KCNIP4: variants seen among roughly 807,000 people sequenced by gnomAD.
KCNIP4 encodes the protein Kv channel-interacting protein 4.
KCNIP4 carries 12 observed loss-of-function variants against 34.0 expected under a neutral mutation model. The ratio of observed to expected loss-of-function variants is 0.35; its 90% CI spans 0.23 to 0.57. The LOEUF is 0.57. Ranked by LOEUF, KCNIP4 falls within the 20% of genes least tolerant of loss-of-function variation. KCNIP4 has a pLI of 0.83. For missense variants in KCNIP4, 238 were observed against 311.7 expected, an observed-to-expected ratio of 0.76 and a Z score of 1.78; for synonymous variants, 124 against 102.2, an observed-to-expected ratio of 1.21 and a Z score of -1.29.
intron 1 of KCNIP4, among the ~76,000 whole-genome samples, chr4:21,517,537 G>A (rs191239885): frequency 9.9e-5 from 15 of 152,150 alleles, no homozygotes; most frequent in African/African-American, 3.4e-4. Context: ...AAACCGTCTT[G>A]TGTTTATGCT....
chr4:20,963,436 AC>A (rs1330386457), intron 1 of KCNIP4, among the ~76,000 whole-genome samples: 1 of 152,002 alleles, frequency 6.6e-6, no homozygotes, highest in African/African-American at 2.4e-5. Flanking sequence ...TTATATGAAC[AC>A]TTTTTTTTTA....
intron 1 of KCNIP4, among the ~76,000 whole-genome samples, chr4:21,667,936 T>C (rs146501875): frequency 5.5e-4 from 84 of 152,336 alleles, no homozygotes; most frequent in African/African-American, 2.0e-3. Flanking sequence ...CTTGGTTAAC[T>C]TGATAGATAG....
intron 1 of KCNIP4, among the ~76,000 whole-genome samples, chr4:21,152,924 T>C (rs1289068037): frequency 6.6e-6 from 1 of 152,062 alleles, no homozygotes; most frequent in African/African-American, 2.4e-5. Context: ...TGTGGAAAAA[T>C]TGTCTTTTCC....
intron 1 of KCNIP4, among the ~76,000 whole-genome samples, chr4:21,388,649 C>A (rs1328764313): frequency 1.3e-5 from 2 of 152,074 alleles, no homozygotes; most frequent in Non-Finnish European, 2.9e-5. Context: ...TCCTTCTATC[C>A]TTTTAGCTAT....
intron 1 of KCNIP4, among the ~76,000 whole-genome samples, chr4:21,021,534 T>C (rs1037348604): frequency 4.6e-5 from 7 of 152,138 alleles, no homozygotes; most frequent in Non-Finnish European, 7.3e-5. Context: ...TCTTTCTTTA[T>C]ATTCTTATTC....
At chr4:21,213,449 A>G (rs1040592310) in intron 1 of KCNIP4, among the ~76,000 whole-genome samples, 77 of 152,026 alleles carry the variant, frequency 5.1e-4, no homozygotes, top group African/African-American at 1.8e-3. Flanking sequence ...TTACAGACGC[A>G]CACCACCATG....
chr4:20,842,728 G>T (rs1719903967), intron 3 of KCNIP4, among the ~76,000 whole-genome samples: 1 of 152,072 alleles, frequency 6.6e-6, no homozygotes, highest in Non-Finnish European at 1.5e-5. Context: ...CAAGGAGTCT[G>T]GGTCATTGCA....
intron 1 of KCNIP4, among the ~76,000 whole-genome samples, chr4:20,943,370 A>G (rs747942134): frequency 6.6e-6 from 1 of 152,198 alleles, no homozygotes; most frequent in Non-Finnish European, 1.5e-5. Context: ...AAGGTTGAGC[A>G]TCTATTAATA....
chr4:20,778,767 G>T (rs1475963215), intron 3 of KCNIP4, among the ~76,000 whole-genome samples: 2 of 152,302 alleles, frequency 1.3e-5, no homozygotes, highest in Non-Finnish European at 1.5e-5. Flanking sequence ...AGAAATAAAT[G>T]CAGATGAGGG....
At chr4:21,344,543 G>GA (rs1240367102) in intron 1 of KCNIP4, among the ~76,000 whole-genome samples, 1 of 151,826 alleles carries the variant, frequency 6.6e-6, no homozygotes, top group African/African-American at 2.4e-5. Context: ...CCAATCCAAA[G>GA]AAAAAAATGG....
At chr4:21,179,289 G>T (rs1162405112) in intron 1 of KCNIP4, among the ~76,000 whole-genome samples, 2 of 152,036 alleles carry the variant, frequency 1.3e-5, no homozygotes, top group African/African-American at 4.8e-5. Context: ...TGCACTTTCT[G>T]CTCACTCTGG....
At chr4:21,689,510 G>A (rs1447625725) in intron 1 of KCNIP4, among the ~76,000 whole-genome samples, 1 of 152,116 alleles carries the variant, frequency 6.6e-6, no homozygotes, top group Non-Finnish European at 1.5e-5. Flanking sequence ...TCTATGCTGT[G>A]CTGTTGCCTC....
rs1418217853 is a variant in KCNIP4 at position 20,729,429 on chromosome 4, A to G, written c.*653T>C. ...TATTATGGAAAATTAAATGCTTATT[A>G]AAATAAGTTTTATTAGGCATATGCT... On this transcript the variant is annotated 3_prime_UTR_variant, in exon 9 of 9. Transcript: ENST00000382152. The G allele has an allele frequency of 1.3e-5, 2 of 151,814 alleles. No individual in the cohort carries two copies. The highest frequency in any genetic ancestry group is 4.8e-5 in the African/African-American group (2 of 41,350). 9.4% of individuals were successfully genotyped at this position (151,814 alleles called of 1,614,324 possible). A position where few individuals can be genotyped will look rare whatever the true frequency, so the allele number is the denominator to read the frequency against.
chr4:20,780,807 A>C (rs748044082), intron 3 of KCNIP4, among the ~76,000 whole-genome samples: 13 of 152,232 alleles, frequency 8.5e-5, no homozygotes, highest in Non-Finnish European at 1.9e-4. Context: ...GCCATGCCTG[A>C]TGCTGTAAGT....
chr4:21,658,784 T>C (rs1411963987), intron 1 of KCNIP4, among the ~76,000 whole-genome samples: 7 of 152,168 alleles, frequency 4.6e-5, no homozygotes, highest in Non-Finnish European at 4.4e-5. Context: ...CATGACATCA[T>C]TGAGGATCAC....
chr4:21,550,640 A>G (rs1738506376), intron 1 of KCNIP4, among the ~76,000 whole-genome samples: 1 of 152,054 alleles, frequency 6.6e-6, no homozygotes, highest in Admixed American at 6.6e-5. Context: ...ACCCATAGAT[A>G]CAATCCAAGA....
At chr4:20,859,163 C>A (rs919610409) in intron 2 of KCNIP4, among the ~76,000 whole-genome samples, 2 of 152,100 alleles carry the variant, frequency 1.3e-5, no homozygotes, top group South Asian at 4.1e-4. Context: ...ATAAGAAACA[C>A]ATGGTAGAAT....
intron 1 of KCNIP4, among the ~76,000 whole-genome samples, chr4:21,306,388 A>G (rs1459912495): frequency 6.6e-6 from 1 of 152,074 alleles, no homozygotes; most frequent in Non-Finnish European, 1.5e-5. Flanking sequence ...CTTTTTTTTG[A>G]GAGAGAGAGA....
At chr4:21,379,817 T>C (rs1262160236) in intron 1 of KCNIP4, among the ~76,000 whole-genome samples, 1 of 152,180 alleles carries the variant, frequency 6.6e-6, no homozygotes, top group African/African-American at 2.4e-5. Flanking sequence ...TGTAAGTGCT[T>C]TCATTTTTGC....
Sources: gnomAD v4.1 joint callset for allele counts (sites outside exome capture counted in the v4.1 genomes callset) on GRCh38, gnomAD v4.1.1 for gene constraint, MANE v1.5 for transcripts, NCBI Gene and HGNC (gene_info 2026-07-23, HGNC 2026-07-21) for gene names.